The following LRRC72 variants were observed in gnomAD, a reference collection of about 807,000 sequenced individuals.
The protein encoded by LRRC72 is leucine-rich repeat-containing protein 72.
In LRRC72, 41 loss-of-function variants were observed where a neutral mutation model predicts 35.8. That is an observed-to-expected ratio of 1.15 (90% CI 0.89 to 1.49). The LOEUF (loss-of-function observed/expected upper bound fraction) is 1.49. LRRC72 is among the 40% of genes most tolerant of loss of function. The pLI, the probability that LRRC72 is intolerant of heterozygous loss-of-function variation, is 0.00. For missense variants in LRRC72, 389 were observed against 330.7 expected (o/e 1.18, Z -1.37); for synonymous variants, 118 against 119.2 (o/e 0.99, Z 0.07).
intron 8 of LRRC72, among the ~76,000 whole-genome samples, chr7:16,580,819 T>C (rs1783130223): frequency 6.6e-6 from 1 of 152,186 alleles, no homozygotes; most frequent in Admixed American, 6.5e-5. Flanking sequence ...ACTAATACTA[T>C]GGAAGACTTT....
At position 16,581,340 on chromosome 7, in the gene LRRC72, C is replaced by T; in HGVS notation, c.715C>T (p.Pro239Ser). The T allele has an allele frequency of 2.0e-6, 3 of 1,516,654 alleles. No homozygotes were observed. The highest frequency in any genetic ancestry group is 2.7e-6 in the Non-Finnish European group (3 of 1,130,010). 93.9% of individuals were successfully genotyped at this position (1,516,654 alleles called of 1,614,324 possible). A position where few individuals can be genotyped will look rare whatever the true frequency, so the allele number is the denominator to read the frequency against. Residue 239 changes from proline (P) to serine (S), a missense_variant, in exon 9 of 9, where the codon CCA (proline) becomes TCA (serine). Coordinates refer to ENST00000401542, the MANE Select transcript of LRRC72 (RefSeq NM_001195280.2). ...NNVDKTVLDDPEDAVFVRSMK... is the reference protein window; with the variant it reads ...NNVDKTVLDDSEDAVFVRSMK... ...TTTTTGCAGAACTGTGCTTGATGAC[C>T]CAGAAGATGCTGTTTTTGTGAGGTC...
chr7:16,567,596 A>T (rs1241726544), intron 7 of LRRC72, 53 bp downstream of exon 7: 9 of 1,313,910 alleles, frequency 6.8e-6, no homozygotes, highest in Non-Finnish European at 5.9e-6. Flanking sequence ...AAAACTCCTC[A>T]AACTTTTGGG....
At chr7:16,527,927 T>G (rs1266468372) in intron 1 of LRRC72, among the ~76,000 whole-genome samples, 1 of 152,142 alleles carries the variant, frequency 6.6e-6, no homozygotes, top group Non-Finnish European at 1.5e-5. Flanking sequence ...AGGCATCGGG[T>G]GGTGGAAGAA....
chr7:16,552,028 G>A (rs1339368914), intron 3 of LRRC72, among the ~76,000 whole-genome samples: 1 of 152,208 alleles, frequency 6.6e-6, no homozygotes, highest in Admixed American at 6.5e-5. Flanking sequence ...CACACAGTTG[G>A]TGTCTGCTGC....
chr7:16,546,064 ATAAACT>A (rs1348153198), intron 3 of LRRC72, among the ~76,000 whole-genome samples: 1 of 152,216 alleles, frequency 6.6e-6, no homozygotes. Flanking sequence ...CACCATAAAA[ATAAACT>A]TAGAAATTCT....
chr7:16,549,006 C>T (rs893771819), intron 3 of LRRC72, among the ~76,000 whole-genome samples: 24 of 152,112 alleles, frequency 1.6e-4, no homozygotes, highest in African/African-American at 5.6e-4. Context: ...GAACTTAGCA[C>T]GGAGTCTGGC....
intron 4 of LRRC72, among the ~76,000 whole-genome samples, chr7:16,558,228 A>T (rs1430186801): frequency 6.6e-6 from 1 of 152,242 alleles, no homozygotes; most frequent in African/African-American, 2.4e-5. Context: ...TGACAAGGAA[A>T]AAAAACCCCA....
At chr7:16,534,211 G>A (rs1562736807) in intron 2 of LRRC72, among the ~76,000 whole-genome samples, 1 of 152,146 alleles carries the variant, frequency 6.6e-6, no homozygotes, top group Non-Finnish European at 1.5e-5. Flanking sequence ...TGATCATGGA[G>A]AACATACATT....
At chr7:16,547,314 G>T (rs1389581732) in intron 3 of LRRC72, among the ~76,000 whole-genome samples, 1 of 152,146 alleles carries the variant, frequency 6.6e-6, no homozygotes, top group Non-Finnish European at 1.5e-5. Context: ...ACGGAGTGGG[G>T]GGCAGAGAGG....
In LRRC72 at chr7:16,581,422, G is replaced by A. The variant is rs958668548; in HGVS notation, c.797G>A (p.Arg266Gln). Residue 266 changes from arginine to glutamine, a missense_variant, in exon 9 of 9, where the codon CGA (arginine) becomes CAA (glutamine). Transcript: ENST00000401542. ...ATGAACTGGGACACAGTTCCAACAC[G>A]AGAGGAAAGGTACCTTGAAGAGGAA... ...TSMNWDTVPT[R>Q]EERYLEEEGT... The A allele has an allele frequency of 5.8e-6, 9 of 1,550,278 alleles. No individual in the cohort carries two copies. The highest frequency in any genetic ancestry group is 3.6e-5 in the South Asian group (3 of 83,894).
At chr7:16,537,231 C>T (rs1440709414) in intron 2 of LRRC72, 1 of 159,574 alleles carries the variant, frequency 6.3e-6, no homozygotes, top group Non-Finnish European at 1.4e-5. Context: ...ACACTAATAA[C>T]CCCACAGACA....
At chr7:16,538,809 T>C (rs1782307801) in intron 3 of LRRC72, among the ~76,000 whole-genome samples, 1 of 152,206 alleles carries the variant, frequency 6.6e-6, no homozygotes, top group Non-Finnish European at 1.5e-5. Context: ...TTGCTCCCTT[T>C]CTTACCTGCC....
In LRRC72 at chr7:16,581,460, G is replaced by A. The variant is rs533331984; in HGVS notation, c.835G>A (p.Ala279Thr). The change falls in exon 9 of 9, where the codon GCT (alanine) becomes ACT (threonine). Residue 279 changes from alanine to threonine, a missense_variant. Physicochemically the swap from Ala to Thr is moderately conservative, Grantham distance 58. Coordinates refer to ENST00000401542, the MANE Select transcript of LRRC72 (RefSeq NM_001195280.2). ...RYLEEEGTETAQMLTVTLR is the reference protein window; with the variant it reads ...RYLEEEGTETTQMLTVTLR Reference sequence around the variant, plus strand: ...CCTTGAAGAGGAAGGCACAGAAACAGCTCAAATGCTCACAGTTACACTGAG... The same window carrying A: ...CCTTGAAGAGGAAGGCACAGAAACAACTCAAATGCTCACAGTTACACTGAG... 202 of 1,549,328 alleles carry A rather than the reference G, an allele frequency of 1.3e-4. 1 individual carries two copies. In the African/African-American group the frequency reaches 2.5e-3, roughly 19 times the overall value.
At chr7:16,553,855 T>G (rs550462516) in intron 3 of LRRC72, among the ~76,000 whole-genome samples, 4 of 152,198 alleles carry the variant, frequency 2.6e-5, no homozygotes, top group Non-Finnish European at 5.9e-5. Context: ...TTACATTAAA[T>G]ATAAAAGCTC....
intron 3 of LRRC72, among the ~76,000 whole-genome samples, chr7:16,539,557 GAAATTTGTGTAAGTAAGGAGGAGCC>G (rs1340282441): frequency 6.6e-6 from 1 of 152,232 alleles, no homozygotes; most frequent in African/African-American, 2.4e-5. Flanking sequence ...GCCAGCCGCA[GAAATTTGTGTAAGTAAGGAGGAGCC>G]AAATGTTAAT....
At chr7:16,534,726 G>A (rs898590919) in intron 2 of LRRC72, among the ~76,000 whole-genome samples, 1 of 152,110 alleles carries the variant, frequency 6.6e-6, no homozygotes, top group Non-Finnish European at 1.5e-5. Flanking sequence ...CTCTGATGTA[G>A]CCATGTAATG....
intron 3 of LRRC72, among the ~76,000 whole-genome samples, chr7:16,555,743 C>T (rs1452788845): frequency 2.6e-5 from 4 of 151,904 alleles, no homozygotes; most frequent in Non-Finnish European, 5.9e-5. Context: ...CGTGCCACTG[C>T]ACTCCAGCCT....
In LRRC72 at chr7:16,558,929, C is replaced by T. The variant is rs1782697108; in HGVS notation, c.357C>T (p.His119=). The T allele has an allele frequency of 3.9e-6, 6 of 1,532,412 alleles. No homozygotes were observed. Among genetic ancestry groups the T allele is most frequent in the Non-Finnish European group, 5.3e-6 (6 of 1,136,116 alleles). 94.9% of individuals were successfully genotyped at this position (1,532,412 alleles called of 1,614,324 possible). ...CTTCATTGCATATACTCCTGCTACACCACAATGAGCTAACCAACATTGATG... is the reference window on the plus strand; with the variant it reads ...CTTCATTGCATATACTCCTGCTACATCACAATGAGCTAACCAACATTGATG... ...YLPSLHILLL[H]HNELTNIDAT... Residue 119 remains histidine, a synonymous_variant, in exon 5 of 9, where the codon CAC becomes CAT. Transcript: ENST00000401542.
At chr7:16,565,467 G>A (rs1439121285) in intron 5 of LRRC72, among the ~76,000 whole-genome samples, 1 of 150,286 alleles carries the variant, frequency 6.7e-6, no homozygotes, top group Non-Finnish European at 1.5e-5. Flanking sequence ...AATCATTAAA[G>A]TTTTATTTCA....
Sources: gnomAD v4.1 joint callset for allele counts (sites outside exome capture counted in the v4.1 genomes callset) on GRCh38, gnomAD v4.1.1 for gene constraint, MANE v1.5 for transcripts, NCBI Gene and HGNC (gene_info 2026-07-23, HGNC 2026-07-21) for gene names.